ZNF563: variants seen among roughly 807,000 people sequenced by gnomAD.
ZNF563 encodes the protein zinc finger protein 563.
ZNF563 carries 39 observed loss-of-function variants against 48.5 expected under a neutral mutation model. The ratio of observed to expected loss-of-function variants is 0.80; its 90% CI spans 0.62 to 1.05. The LOEUF (loss-of-function observed/expected upper bound fraction) is 1.05, where lower values mean the gene tolerates loss of function less well. ZNF563 is among the 50% of genes least tolerant of loss of function. The pLI is 0.00. For missense variants in ZNF563, 538 were observed against 597.0 expected, an observed-to-expected ratio of 0.90 and a Z score of 1.03; for synonymous variants, 168 against 187.9, an observed-to-expected ratio of 0.89 and a Z score of 0.87.
upstream of ZNF563, among the ~76,000 whole-genome samples, chr19:12,334,004 A>G (rs563709861): frequency 1.6e-4 from 24 of 152,340 alleles, no homozygotes; most frequent in African/African-American, 5.5e-4. Flanking sequence ...CCAGACTCAC[A>G]GTCCAGTGGA....
At chr19:12,327,342 C>T (rs1365126091) in intron 1 of ZNF563, among the ~76,000 whole-genome samples, 3 of 151,540 alleles carry the variant, frequency 2.0e-5, no homozygotes, top group Non-Finnish European at 2.9e-5. Context: ...CATCTGTAGT[C>T]CCAGCTACTC....
intron 3 of ZNF563, among the ~76,000 whole-genome samples, chr19:12,320,051 G>T (rs916272545): frequency 2.0e-5 from 3 of 151,868 alleles, no homozygotes; most frequent in Admixed American, 2.0e-4. Flanking sequence ...CAAGTAGCCG[G>T]GATTAGAGAG....
rs757536463 is a variant in ZNF563, at chr19:12,319,181, T to C, written c.844A>G (p.Thr282Ala). 2 of 1,614,038 alleles carry C rather than the reference T, an allele frequency of 1.2e-6. No homozygotes were observed. Among genetic ancestry groups the C allele is most frequent in the Non-Finnish European group, 1.7e-6 (2 of 1,179,990 alleles). The change falls in exon 4 of 4, where the codon ACA becomes GCA. Residue 282 changes from threonine to alanine, a missense_variant. By Grantham distance (58) the Thr-to-Ala change is moderately conservative. Coordinates refer to ENST00000293725, the MANE Select transcript of ZNF563 (RefSeq NM_145276.3). ...ERTHTGEKPY[T>A]CKQCGKAFSV... The stretch of plus-strand genomic sequence containing the variant: ...AAGGCTTTCCCACACTGTTTACATG[T>C]ATATGGTTTCTCTCCAGTGTGAGTT...
chr19:12,338,525 G>A (rs1282540877), upstream of ZNF563, among the ~76,000 whole-genome samples: 1 of 152,130 alleles, frequency 6.6e-6, no homozygotes, highest in Non-Finnish European at 1.5e-5. Flanking sequence ...TTGCAGGTAT[G>A]AGGCACCACA....
the ZNF563 span, among the ~76,000 whole-genome samples, chr19:12,342,833 A>G: frequency 3.9e-5 from 6 of 152,024 alleles, no homozygotes; most frequent in African/African-American, 1.4e-4. Flanking sequence ...ACCACTGAAA[A>G]CAAAAATCTA....
upstream of ZNF563, among the ~76,000 whole-genome samples, chr19:12,337,104 T>C (rs1014552402): frequency 7.9e-5 from 12 of 152,224 alleles, no homozygotes; most frequent in Non-Finnish European, 1.3e-4. Flanking sequence ...TATCAGCTGC[T>C]GTAAATACTG....
intron 1 of ZNF563, among the ~76,000 whole-genome samples, chr19:12,324,307 C>A (rs114075595): frequency 6.6e-6 from 1 of 151,836 alleles, no homozygotes; most frequent in Non-Finnish European, 1.5e-5. Context: ...TGTAATGAAC[C>A]ATTATTGAGC....
intron 3 of ZNF563, among the ~76,000 whole-genome samples, chr19:12,320,650 C>A (rs1184043241): frequency 6.6e-6 from 1 of 152,004 alleles, no homozygotes; most frequent in Non-Finnish European, 1.5e-5. Context: ...CAGGTGCATA[C>A]CCCCATGCCC....
At chr19:12,345,778 G>C in the ZNF563 span, among the ~76,000 whole-genome samples, 1 of 151,980 alleles carries the variant, frequency 6.6e-6, no homozygotes, top group Admixed American at 6.6e-5. Context: ...CAGGCGTGGT[G>C]GTGGGTGCCT....
At chr19:12,336,385 G>A (rs181224077), upstream of ZNF563, among the ~76,000 whole-genome samples, 62 of 152,186 alleles carry the variant, frequency 4.1e-4, no homozygotes, top group Non-Finnish European at 5.4e-4. Flanking sequence ...AACGTCAGGA[G>A]TTCAAGACCA....
intron 1 of ZNF563, among the ~76,000 whole-genome samples, chr19:12,325,186 A>T (rs1968757471): frequency 6.6e-6 from 1 of 152,228 alleles, no homozygotes; most frequent in East Asian, 1.9e-4. Context: ...GACTGTAATT[A>T]AGACATACAT....
In ZNF563 at chr19:12,319,083, G is replaced by T. The variant is rs141391535; in HGVS notation, c.942C>A (p.Cys314Ter). The change falls in exon 4 of 4, where the codon TGC (cysteine) becomes TGA (stop). Residue 314 changes from cysteine to a stop codon, truncating the protein, a stop_gained. Coordinates refer to ENST00000293725, the MANE Select transcript of ZNF563 (RefSeq NM_145276.3). LOFTEE classifies it high-confidence loss of function. ...TTCCAAGATGATGAAATGTTTTCCC[G>T]CATTGCTTACACTCATAGGGTTTCT... Reference protein sequence around the residue: ...SAEKPYECKQCGKTFHHLGSF... With the variant: ...SAEKPYECKQ 2 of 1,613,770 alleles carry T rather than the reference G, an allele frequency of 1.2e-6. No individual in the cohort carries two copies. The highest frequency in any genetic ancestry group is 1.7e-6 in the Non-Finnish European group (2 of 1,180,004).
the ZNF563 span, among the ~76,000 whole-genome samples, chr19:12,343,731 T>C: frequency 2.1e-5 from 3 of 142,612 alleles, no homozygotes; most frequent in Non-Finnish European, 3.1e-5. Flanking sequence ...AATTCTTTTT[T>C]TTTTTTTTTT....
chr19:12,337,027 C>T (rs912103676), upstream of ZNF563, among the ~76,000 whole-genome samples: 19 of 152,130 alleles, frequency 1.2e-4, no homozygotes, highest in African/African-American at 4.6e-4. Context: ...ATTTTATTTG[C>T]TTCTGTTCTT....
chr19:12,338,782 G>T, the ZNF563 span, among the ~76,000 whole-genome samples: 2 of 152,090 alleles, frequency 1.3e-5, no homozygotes, highest in African/African-American at 4.8e-5. Flanking sequence ...AACCTGGGAG[G>T]CAGAGGTCGC....
At chr19:12,321,109 C>T (rs1176622708) in intron 3 of ZNF563, among the ~76,000 whole-genome samples, 163 bp downstream of exon 3, 9 of 151,830 alleles carry the variant, frequency 5.9e-5, no homozygotes, top group Admixed American at 5.9e-4. Flanking sequence ...CACTGCACTC[C>T]AGCCTGGGCA....
the ZNF563 span, among the ~76,000 whole-genome samples, chr19:12,343,021 C>T: frequency 6.6e-6 from 1 of 150,900 alleles, no homozygotes; most frequent in East Asian, 1.9e-4. Context: ...CATGGTGAAA[C>T]CCTGTCTCTA....
the ZNF563 span, among the ~76,000 whole-genome samples, chr19:12,345,798 G>C: frequency 6.6e-6 from 1 of 151,946 alleles, no homozygotes; most frequent in Admixed American, 6.6e-5. Flanking sequence ...TATAATCCCA[G>C]CTACTTGACT....
the ZNF563 span, among the ~76,000 whole-genome samples, chr19:12,343,356 G>A: frequency 6.6e-6 from 1 of 152,170 alleles, no homozygotes; most frequent in Admixed American, 6.5e-5. Flanking sequence ...AGCTGCTCAG[G>A]AGGCTGAGGG....
Sources: gnomAD v4.1 joint callset for allele counts (sites outside exome capture counted in the v4.1 genomes callset) on GRCh38, gnomAD v4.1.1 for gene constraint, MANE v1.5 for transcripts, NCBI Gene and HGNC (gene_info 2026-07-23, HGNC 2026-07-21) for gene names.